IQCM: variants seen among roughly 807,000 people sequenced by gnomAD.
The protein encoded by IQCM is IQ domain-containing protein M.
Under a neutral mutation model 57.6 loss-of-function variants are expected in IQCM, and 45 were observed. That is an observed-to-expected ratio of 0.78 (90% CI 0.62 to 1.00). IQCM has a LOEUF of 1.00. Ranked by LOEUF, IQCM falls within the 50% of genes least tolerant of loss-of-function variation. The pLI is 0.00. For synonymous variants in IQCM, 148 were observed against 158.9 expected (o/e 0.93, Z 0.51); for missense variants, 468 against 511.6 (o/e 0.91, Z 0.82).
chr4:149,618,188 A>G (rs561568272), intron 8 of IQCM, among the ~76,000 whole-genome samples: 1 of 152,312 alleles, frequency 6.6e-6, no homozygotes, highest in South Asian at 2.1e-4. Flanking sequence ...ATAACCCAGA[A>G]ATAAAGTCAC....
At chr4:149,522,028 C>T (rs965031657) in intron 12 of IQCM, among the ~76,000 whole-genome samples, 29 of 152,170 alleles carry the variant, frequency 1.9e-4, no homozygotes, top group African/African-American at 6.0e-4. Context: ...AAACAAAAGG[C>T]TGCCAATTCC....
At chr4:149,697,720 T>A (rs10857238) in intron 5 of IQCM, among the ~76,000 whole-genome samples, 2 of 151,902 alleles carry the variant, frequency 1.3e-5, no homozygotes, top group African/African-American at 2.4e-5. Flanking sequence ...TGATTATCAC[T>A]TTTTGTCATT....
At chr4:149,372,811 C>T (rs1042754115) in intron 13 of IQCM, among the ~76,000 whole-genome samples, 1 of 151,994 alleles carries the variant, frequency 6.6e-6, no homozygotes, top group African/African-American at 2.4e-5. Context: ...TTTTGAGGGA[C>T]AAAATTAGTG....
intron 10 of IQCM, among the ~76,000 whole-genome samples, chr4:149,558,702 G>T (rs1298998568): frequency 6.6e-6 from 1 of 152,098 alleles, no homozygotes; most frequent in Non-Finnish European, 1.5e-5. Flanking sequence ...AGCATCACCT[G>T]GGGGAAGAGC....
In IQCM at chr4:149,593,364, G is replaced by A. The variant is rs531900341; in HGVS notation, c.682-5367C>T. Among the ~76,000 whole-genome samples, 171 of 152,152 alleles carry A rather than the reference G, an allele frequency of 1.1e-3. 1 individual carries two copies. Among genetic ancestry groups the A allele is most frequent in the African/African-American group, 3.9e-3 (163 of 41,486 alleles). ...GCTTAAGGAGATTTTGGGCTGAGAT[G>A]ATGGGGTTTTCTAAATATACAATCA... On this transcript the variant is annotated intron_variant, in intron 8 of 13. Coordinates refer to ENST00000636793, the MANE Select transcript of IQCM (RefSeq NM_001363507.2).
At chr4:149,463,366 T>TCAAG (rs1324087095) in intron 12 of IQCM, among the ~76,000 whole-genome samples, 2 of 152,332 alleles carry the variant, frequency 1.3e-5, no homozygotes, top group East Asian at 3.9e-4. Context: ...ACACTAGCAA[T>TCAAG]CAAGGGGTTG....
chr4:149,681,034 G>T (rs949446990), intron 7 of IQCM, among the ~76,000 whole-genome samples: 1 of 151,286 alleles, frequency 6.6e-6, no homozygotes, highest in Non-Finnish European at 1.5e-5. Context: ...GATACTTGAA[G>T]ACTGAGGCGT....
chr4:149,398,495 C>T (rs1465804213), intron 13 of IQCM, among the ~76,000 whole-genome samples: 1 of 152,000 alleles, frequency 6.6e-6, no homozygotes, highest in Non-Finnish European at 1.5e-5. Context: ...AATCCATGAA[C>T]ACAGGATGTG....
At chr4:149,675,486 G>A (rs1185099963) in intron 7 of IQCM, among the ~76,000 whole-genome samples, 1 of 152,000 alleles carries the variant, frequency 6.6e-6, no homozygotes, top group East Asian at 1.9e-4. Flanking sequence ...CCAGGAAGGG[G>A]AAGGAAACAT....
chr4:149,525,603 C>T (rs1275723147), intron 12 of IQCM, among the ~76,000 whole-genome samples: 3 of 151,846 alleles, frequency 2.0e-5, no homozygotes, highest in African/African-American at 7.2e-5. Flanking sequence ...TGGACCTCTA[C>T]TCACACCACC....
At chr4:149,573,592 C>G (rs915117812) in intron 9 of IQCM, among the ~76,000 whole-genome samples, 5 of 151,728 alleles carry the variant, frequency 3.3e-5, no homozygotes, top group Middle Eastern at 3.4e-3. Context: ...TAGTAACAAT[C>G]TTTTATTAAG....
intron 5 of IQCM, among the ~76,000 whole-genome samples, chr4:149,727,877 C>T (rs1462988542): frequency 1.3e-5 from 2 of 152,198 alleles, no homozygotes; most frequent in African/African-American, 4.8e-5. Flanking sequence ...TGGTGTGCTG[C>T]AGCAAGCTCA....
chr4:149,424,300 T>C (rs986519835), intron 13 of IQCM, among the ~76,000 whole-genome samples: 16 of 152,026 alleles, frequency 1.1e-4, no homozygotes, highest in Admixed American at 2.6e-4. Context: ...GTAAACATAT[T>C]CTTTTTGTCA....
intron 12 of IQCM, among the ~76,000 whole-genome samples, chr4:149,536,429 A>G (rs1309930276): frequency 1.3e-5 from 2 of 151,898 alleles, no homozygotes; most frequent in Non-Finnish European, 2.9e-5. Context: ...TGCTTTGCAC[A>G]TTATCTCTCT....
intron 13 of IQCM, among the ~76,000 whole-genome samples, chr4:149,382,637 T>C (rs1731157007): frequency 6.6e-6 from 1 of 152,130 alleles, no homozygotes; most frequent in African/African-American, 2.4e-5. Flanking sequence ...ATTTGGCATC[T>C]GATCACTCAC....
At chr4:149,593,473 G>T (rs1753423572) in intron 8 of IQCM, among the ~76,000 whole-genome samples, 1 of 151,940 alleles carries the variant, frequency 6.6e-6, no homozygotes, top group Non-Finnish European at 1.5e-5. Flanking sequence ...GATTGCCCTG[G>T]CCAGAACTTC....
intron 13 of IQCM, among the ~76,000 whole-genome samples, chr4:149,393,684 C>T (rs1215258395): frequency 6.6e-6 from 1 of 151,764 alleles, no homozygotes; most frequent in Non-Finnish European, 1.5e-5. Flanking sequence ...CAATGATAGA[C>T]CCATATTAAT....
intron 12 of IQCM, among the ~76,000 whole-genome samples, chr4:149,508,373 A>T (rs754948295): frequency 6.6e-6 from 1 of 152,188 alleles, no homozygotes; most frequent in Admixed American, 6.5e-5. Context: ...AGCAGCCAGG[A>T]AGGGGGCTGT....
intron 7 of IQCM, among the ~76,000 whole-genome samples, chr4:149,680,243 A>G (rs1004227312): frequency 6.6e-6 from 1 of 151,430 alleles, no homozygotes; most frequent in African/African-American, 2.4e-5. Context: ...CTTTTTCAGC[A>G]TATTCAACCT....
Sources: allele counts gnomAD v4.1 joint callset (sites outside exome capture counted in the v4.1 genomes callset), GRCh38; gene constraint gnomAD v4.1.1; transcripts MANE v1.5; gene names NCBI Gene and HGNC (gene_info 2026-07-23, HGNC 2026-07-21).